ADAM12: variants seen among roughly 807,000 people sequenced by gnomAD.
ADAM12 encodes ADAM metallopeptidase domain 12.
Under a neutral mutation model 106.4 loss-of-function variants are expected in ADAM12, and 70 were observed. The observed-to-expected ratio is 0.66, with a 90% CI of 0.54 to 0.80. ADAM12 has a LOEUF of 0.80. Ranked by LOEUF, ADAM12 falls within the 30% of genes least tolerant of loss-of-function variation. The pLI is 0.00. For missense variants in ADAM12, 1,010 were observed against 1,171.9 expected, an observed-to-expected ratio of 0.86 and a Z score of 2.02; for synonymous variants, 420 against 433.5, an observed-to-expected ratio of 0.97 and a Z score of 0.39.
intron 3 of ADAM12, among the ~76,000 whole-genome samples, chr10:126,182,103 C>T (rs573247011): frequency 3.3e-5 from 5 of 152,236 alleles, no homozygotes; most frequent in Non-Finnish European, 7.3e-5. Context: ...TAACCACTGA[C>T]GTATGGCACG....
At chr10:126,223,748 C>T (rs1271664408) in intron 3 of ADAM12, among the ~76,000 whole-genome samples, 4 of 152,300 alleles carry the variant, frequency 2.6e-5, no homozygotes, top group African/African-American at 7.2e-5. Context: ...AAATTCTCCA[C>T]GGTCTTTGGT....
In ADAM12 at chr10:126,043,206, A is replaced by G; in HGVS notation, c.1996-58T>C. ...GGGCATATGCTCTGTGCATCACCAC[A>G]GCAGAAGCAAGGGGGGCCATGGTCA... On this transcript the variant is annotated intron_variant, in intron 17 of 22. Transcript: ENST00000448723. This position sits in a 1 kb window ranked among gnomAD's most constrained non-coding sequence, Gnocchi z 4.1. 2.0e-6 allele frequency: 3 copies of G among 1,499,364 alleles called. No individual in the cohort carries two copies. The highest frequency in any genetic ancestry group is 2.8e-6 in the Non-Finnish European group (3 of 1,088,496). The allele number at this position is 1,499,364 out of a possible 1,614,324, so 92.9% of individuals were successfully genotyped here.
intron 5 of ADAM12, among the ~76,000 whole-genome samples, chr10:126,125,733 C>CGAAAAG (rs1211646736): frequency 6.6e-6 from 1 of 151,560 alleles, no homozygotes; most frequent in Non-Finnish European, 1.5e-5. Context: ...GACCTTATTG[C>CGAAAAG]GAAAAGGGAC....
intron 11 of ADAM12, among the ~76,000 whole-genome samples, chr10:126,080,950 A>C (rs963688135): frequency 6.6e-6 from 1 of 152,204 alleles, no homozygotes; most frequent in Non-Finnish European, 1.5e-5. Context: ...TTGGGGGTGA[A>C]TCACACTAGG....
intron 1 of ADAM12, among the ~76,000 whole-genome samples, chr10:126,346,985 G>A (rs1252461014): frequency 6.6e-6 from 1 of 152,128 alleles, no homozygotes; most frequent in African/African-American, 2.4e-5. Context: ...CAATTTGCCA[G>A]TTTGTGTCTT....
Position 126,051,536 on chromosome 10 carries a change from CCCATCCATCCATCCATCCAT to C in ADAM12, c.1610-1887_1610-1868del, listed in dbSNP as rs61278142. ...ATCCATCCATCCAGCCAGCCAGCCA[CCCATCCATCCATCCATCCAT>C]CCATCCATCCATCCATCCATCCATC... On this transcript the variant is annotated intron_variant, in intron 14 of 22. Transcript: ENST00000448723. Among the ~76,000 whole-genome samples, 416 of 118,988 alleles carry C rather than the reference CCCATCCATCCATCCATCCAT, an allele frequency of 3.5e-3. 5 individuals carry two copies. Among genetic ancestry groups the C allele is most frequent in the African/African-American group, 0.012 (382 of 31,032 alleles). The allele number at this position is 118,988 out of a possible 152,430, so 78.1% of individuals were successfully genotyped here.
chr10:126,264,345 C>A (rs1238130315), intron 3 of ADAM12, among the ~76,000 whole-genome samples: 1 of 152,174 alleles, frequency 6.6e-6, no homozygotes. Context: ...GAAGAAGTGG[C>A]CTTAGAAGGG....
chr10:126,193,314 C>T (rs1362207265), intron 3 of ADAM12, among the ~76,000 whole-genome samples: 1 of 107,260 alleles, frequency 9.3e-6, no homozygotes, highest in Non-Finnish European at 2.0e-5. Context: ...ATGCAATAGA[C>T]AAGACTAAAT....
intron 2 of ADAM12, among the ~76,000 whole-genome samples, chr10:126,292,325 C>T (rs887063190): frequency 6.6e-6 from 1 of 152,114 alleles, no homozygotes; most frequent in Non-Finnish European, 1.5e-5. Flanking sequence ...TTTTTCCTCT[C>T]GGTTCCAATG....
intron 3 of ADAM12, among the ~76,000 whole-genome samples, chr10:126,271,125 CA>C (rs1303271525): frequency 6.6e-6 from 1 of 152,162 alleles, no homozygotes; most frequent in Non-Finnish European, 1.5e-5. Context: ...CAGCCCCTCC[CA>C]GACTCTCAGG....
chr10:126,030,851 T>C (rs764401769), intron 21 of ADAM12, among the ~76,000 whole-genome samples: 3 of 152,208 alleles, frequency 2.0e-5, no homozygotes, highest in Non-Finnish European at 4.4e-5. Context: ...AATGGACTCA[T>C]TGTCATTAAT....
At chr10:126,141,463 T>A (rs1956510608) in intron 4 of ADAM12, among the ~76,000 whole-genome samples, 1 of 144,936 alleles carries the variant, frequency 6.9e-6, no homozygotes, top group Admixed American at 7.0e-5. Flanking sequence ...AAATTACATC[T>A]TTTCCTTTTC....
At position 126,353,560 on chromosome 10, in the gene ADAM12, A is replaced by G. The variant is rs1049041029; in HGVS notation, c.89-23051T>C. 2.6e-5 allele frequency among the ~76,000 whole-genome samples: 4 copies of G among 152,352 alleles called. No individual in the cohort carries two copies. In the East Asian group the frequency reaches 7.7e-4, roughly 29 times the overall value. ...TAAACAAGGCAAATGCTGTGTTTACATTAGTTTATCATTTTTTCCATTTAG... is the reference window on the plus strand; with the variant it reads ...TAAACAAGGCAAATGCTGTGTTTACGTTAGTTTATCATTTTTTCCATTTAG... On this transcript the variant is annotated intron_variant, in intron 1 of 22. Coordinates refer to ENST00000448723, the MANE Select transcript of ADAM12 (RefSeq NM_001288973.2).
At chr10:126,047,862 A>G (rs551072817) in intron 16 of ADAM12, among the ~76,000 whole-genome samples, 64 of 152,322 alleles carry the variant, frequency 4.2e-4, no homozygotes, top group African/African-American at 1.3e-3. Flanking sequence ...TTGCAGCACT[A>G]CTCACAATAG....
intron 14 of ADAM12, among the ~76,000 whole-genome samples, chr10:126,061,250 G>A (rs1009086929): frequency 6.6e-6 from 1 of 152,156 alleles, no homozygotes; most frequent in African/African-American, 2.4e-5. Context: ...ATAGAGTTTA[G>A]ATTTACTAGG....
At chr10:126,270,352 C>G (rs1219858601) in intron 3 of ADAM12, among the ~76,000 whole-genome samples, 1 of 152,180 alleles carries the variant, frequency 6.6e-6, no homozygotes, top group Non-Finnish European at 1.5e-5. Flanking sequence ...TCAGCTAAGA[C>G]AGATATCCCA....
chr10:126,321,914 G>C (rs1020302999), intron 2 of ADAM12, among the ~76,000 whole-genome samples: 7 of 138,394 alleles, frequency 5.1e-5, no homozygotes, highest in South Asian at 2.8e-4. Context: ...TCGGGGGGGG[G>C]GCTTCAGCAA....
At chr10:126,201,195 C>G (rs1245915136) in intron 3 of ADAM12, among the ~76,000 whole-genome samples, 1 of 152,154 alleles carries the variant, frequency 6.6e-6, no homozygotes, top group Admixed American at 6.5e-5. Context: ...ACGTTTAACT[C>G]CTACTTCCCG....
chr10:126,251,638 ATGGG>A (rs1958761095), intron 3 of ADAM12, among the ~76,000 whole-genome samples: 7 of 62,298 alleles, frequency 1.1e-4, no homozygotes, highest in African/African-American at 3.6e-4. Context: ...GGATGGGATG[ATGGG>A]ATGGATGGGA....
Sources: gnomAD v4.1 joint callset for allele counts (sites outside exome capture counted in the v4.1 genomes callset) on GRCh38, gnomAD v4.1.1 for gene constraint, Gnocchi (gnomAD v3.1) non-coding constraint, MANE v1.5 for transcripts, NCBI Gene and HGNC (gene_info 2026-07-23, HGNC 2026-07-21) for gene names.